ZFHX4: variants seen among roughly 807,000 people sequenced by gnomAD.
The protein encoded by ZFHX4 is zinc finger homeobox protein 4.
A neutral mutation model predicts 267.6 loss-of-function variants in ZFHX4; 56 were observed. That is an observed-to-expected ratio of 0.21 (90% CI 0.17 to 0.26). The LOEUF (loss-of-function observed/expected upper bound fraction) is 0.26, where lower values mean the gene tolerates loss of function less well. ZFHX4 is among the 10% of genes least tolerant of loss of function. ZFHX4 has a pLI of 1.00. For missense variants in ZFHX4, 4,332 were observed against 4,420.0 expected (o/e 0.98, Z 0.56); for synonymous variants, 1,778 against 1,665.6 (o/e 1.07, Z -1.64).
At chr8:76,809,258 G>T (rs752255523) in intron 4 of ZFHX4, among the ~76,000 whole-genome samples, 1 of 152,026 alleles carries the variant, frequency 6.6e-6, no homozygotes, top group Non-Finnish European at 1.5e-5. Context: ...TAATATATTG[G>T]CAATACTGCT....
At chr8:76,685,263 A>AT (rs1227351725) in intron 1 of ZFHX4, among the ~76,000 whole-genome samples, 1 of 152,184 alleles carries the variant, frequency 6.6e-6, no homozygotes, top group Non-Finnish European at 1.5e-5. Context: ...CCCTCTGCCT[A>AT]TATGATATTA....
At chr8:76,794,134 A>C (rs1810910847) in intron 4 of ZFHX4, among the ~76,000 whole-genome samples, 1 of 152,174 alleles carries the variant, frequency 6.6e-6, no homozygotes, top group Non-Finnish European at 1.5e-5. Context: ...TGGCTCAGCT[A>C]TAAATATGTA....
intron 4 of ZFHX4, among the ~76,000 whole-genome samples, chr8:76,798,056 T>C (rs527798708): frequency 7.9e-5 from 12 of 152,104 alleles, no homozygotes; most frequent in Non-Finnish European, 1.3e-4. Flanking sequence ...ATTGAAACTT[T>C]AAAAAATTTG....
intron 5 of ZFHX4, among the ~76,000 whole-genome samples, chr8:76,835,243 A>ATATATATATATATATATATATATG (rs1554572188): frequency 9.7e-6 from 1 of 102,742 alleles, no homozygotes; most frequent in Non-Finnish European, 1.9e-5. Flanking sequence ...ATATATATGT[A>ATATATATATATATATATATATATG]TATATATATA....
At chr8:76,722,439 A>G (rs1165488096) in intron 3 of ZFHX4, among the ~76,000 whole-genome samples, 3 of 151,990 alleles carry the variant, frequency 2.0e-5, no homozygotes, top group Non-Finnish European at 4.4e-5. Flanking sequence ...TTATTAATAT[A>G]CTGAGGATGG....
rs1374976237 is a variant in ZFHX4 at position 76,706,554 on chromosome 8, G to A, written c.2466G>A (p.Gln822=). Residue 822 remains glutamine, a synonymous_variant, in exon 2 of 11, where the codon CAG becomes CAA. Coordinates refer to ENST00000651372, the MANE Select transcript of ZFHX4 (RefSeq NM_024721.5). The part of the protein sequence containing the change: ...GLAPAEAELY[Q]YYLAQNIGLT... ...CCCCGGCGGAAGCAGAGCTTTATCAGTACTACCTAGCCCAGAACATAGGCC... is the reference window on the plus strand; with the variant it reads ...CCCCGGCGGAAGCAGAGCTTTATCAATACTACCTAGCCCAGAACATAGGCC... 2.5e-6 allele frequency: 4 copies of A among 1,612,668 alleles called. No homozygotes were observed. Among genetic ancestry groups the A allele is most frequent in the Admixed American group, 1.7e-5 (1 of 59,870 alleles).
At chr8:76,793,206 T>A (rs1421719983) in intron 4 of ZFHX4, among the ~76,000 whole-genome samples, 1 of 152,180 alleles carries the variant, frequency 6.6e-6, no homozygotes, top group Non-Finnish European at 1.5e-5. Context: ...AGGAACATTT[T>A]AGAGTTTCCT....
At chr8:76,746,102 A>G (rs1161652793) in intron 3 of ZFHX4, among the ~76,000 whole-genome samples, 1 of 152,176 alleles carries the variant, frequency 6.6e-6, no homozygotes, top group Non-Finnish European at 1.5e-5. Flanking sequence ...TGGTGTATAA[A>G]TTGCTTTAAA....
intron 4 of ZFHX4, among the ~76,000 whole-genome samples, chr8:76,793,816 T>C (rs1810901746): frequency 6.6e-6 from 1 of 152,200 alleles, no homozygotes; most frequent in Non-Finnish European, 1.5e-5. Context: ...ATTATCATTA[T>C]TGAAGAATCA....
intron 1 of ZFHX4, among the ~76,000 whole-genome samples, chr8:76,703,171 G>T (rs1055856919): frequency 7.9e-5 from 12 of 152,124 alleles, no homozygotes. Flanking sequence ...CATTGGGAGT[G>T]CTTGTGTGTG....
chr8:76,758,373 A>T (rs529531586), intron 3 of ZFHX4, among the ~76,000 whole-genome samples: 1 of 152,308 alleles, frequency 6.6e-6, no homozygotes, highest in South Asian at 2.1e-4. Flanking sequence ...TTTATAAACA[A>T]TAAAAAAAGA....
chr8:76,774,325 C>A (rs1810349659), intron 3 of ZFHX4, among the ~76,000 whole-genome samples: 1 of 152,060 alleles, frequency 6.6e-6, no homozygotes, highest in Non-Finnish European at 1.5e-5. Context: ...TGGCTTTGCC[C>A]AGGTTTGTGA....
intron 4 of ZFHX4, among the ~76,000 whole-genome samples, chr8:76,784,829 TACTTTTTTCCCCA>T (rs1318283555): frequency 3.3e-5 from 5 of 152,256 alleles, no homozygotes; most frequent in African/African-American, 1.2e-4. Context: ...CTTTAGCTGC[TACTTTTTTCCCCA>T]GACTATTGGC....
intron 3 of ZFHX4, among the ~76,000 whole-genome samples, chr8:76,761,926 T>G (rs1809924569): frequency 6.6e-6 from 1 of 152,176 alleles, no homozygotes; most frequent in South Asian, 2.1e-4. Flanking sequence ...TTGGGCTGCT[T>G]AGTACTACTA....
rs1207985765 is a variant in ZFHX4 at position 76,849,096 on chromosome 8, C to T, written c.3613C>T (p.Pro1205Ser). 3 of 1,565,080 alleles carry T rather than the reference C, an allele frequency of 1.9e-6. No individual in the cohort carries two copies. Among genetic ancestry groups the T allele is most frequent in the Admixed American group, 3.8e-5 (2 of 52,944 alleles). Residue 1205 changes from proline to serine, a missense_variant, in exon 7 of 11, where the codon CCT becomes TCT. By Grantham distance (74) the Pro-to-Ser change is moderately conservative. This residue lies in a region of ZFHX4 where 1,371 missense variants were observed against 1,423.1 expected (regional missense o/e 0.96). Coordinates refer to ENST00000651372, the MANE Select transcript of ZFHX4 (RefSeq NM_024721.5). The stretch of plus-strand genomic sequence containing the variant: ...GGATGTTGCAACAAAAAGGTCAAAA[C>T]CTACAGAGGACAATAAATTCTGTCA... Reference protein sequence around the residue: ...EEDVATKRSKPTEDNKFCHEQ... With the variant: ...EEDVATKRSKSTEDNKFCHEQ...
At chr8:76,800,222 C>T (rs746039184) in intron 4 of ZFHX4, among the ~76,000 whole-genome samples, 4 of 152,082 alleles carry the variant, frequency 2.6e-5, no homozygotes, top group Non-Finnish European at 4.4e-5. Context: ...AGGGACTGAG[C>T]GTGGCAGAAG....
At chr8:76,842,206 C>T (rs989957084) in intron 5 of ZFHX4, among the ~76,000 whole-genome samples, 1 of 152,034 alleles carries the variant, frequency 6.6e-6, no homozygotes, top group Non-Finnish European at 1.5e-5. Flanking sequence ...GGTCTGAAAG[C>T]TGGAGTAACA....
chr8:76,845,696 G>A (rs1039401221), intron 6 of ZFHX4, among the ~76,000 whole-genome samples: 3 of 151,806 alleles, frequency 2.0e-5, no homozygotes, highest in African/African-American at 2.4e-5. Flanking sequence ...AGTATAAACC[G>A]TTTACAGCCT....
chr8:76,815,633 C>G (rs1213248957), intron 4 of ZFHX4, among the ~76,000 whole-genome samples: 1 of 152,110 alleles, frequency 6.6e-6, no homozygotes, highest in Admixed American at 6.6e-5. Flanking sequence ...TCTGGGATAA[C>G]TGGGACTACA....
Sources: gnomAD v4.1 joint callset for allele counts (sites outside exome capture counted in the v4.1 genomes callset) on GRCh38, gnomAD v4.1.1 for gene constraint, gnomAD v4.1.1 regional missense constraint, MANE v1.5 for transcripts, NCBI Gene and HGNC (gene_info 2026-07-23, HGNC 2026-07-21) for gene names.